Variants in ACOT7 observed in about 807,000 individuals in gnomAD.
The protein encoded by ACOT7 is acyl-CoA thioesterase 7.
ACOT7 carries 12 observed loss-of-function variants against 40.2 expected under a neutral mutation model. The observed-to-expected ratio is 0.30, with a 90% confidence interval of 0.19 to 0.48. ACOT7 has a LOEUF of 0.48. ACOT7 is among the 20% of genes least tolerant of loss of function. The pLI, the probability that ACOT7 is intolerant of heterozygous loss-of-function variation, is 0.99. For synonymous variants in ACOT7, 228 were observed against 219.5 expected, an observed-to-expected ratio of 1.04 and a Z score of -0.34; for missense variants, 395 against 530.8, an observed-to-expected ratio of 0.74 and a Z score of 2.51.
chr1:6,358,756 C>A lies in ACOT7; in HGVS notation c.144-8890G>T. On this transcript the variant is annotated intron_variant, in intron 1 of 8. Coordinates refer to ENST00000361521, the MANE Select transcript of ACOT7 (RefSeq NM_007274.4). This position sits in a 1 kb window ranked among gnomAD's most constrained non-coding sequence, Gnocchi z 4.1. ...AGTCCCCTCTACCCACCCTTCCCTT[C>A]CAAATGTCCCTAAACAATCCACCCA... 1 of 1,518,860 alleles carries A rather than the reference C, an allele frequency of 6.6e-7. No homozygotes were observed. The highest frequency in any genetic ancestry group is 1.1e-5 in the South Asian group (1 of 88,192). 94.1% of individuals were successfully genotyped at this position (1,518,860 alleles called of 1,614,324 possible).
chr1:6,392,533 T>C (rs60984218), intron 1 of ACOT7, among the ~76,000 whole-genome samples: 1,733 of 152,212 alleles, frequency 0.011, 40 homozygotes, highest in African/African-American at 0.039. Context: ...ATCTACTCAG[T>C]ACCTGGTGGA....
chr1:6,337,836 A>G (rs1427173281), intron 3 of ACOT7, among the ~76,000 whole-genome samples: 2 of 151,944 alleles, frequency 1.3e-5, no homozygotes. Flanking sequence ...TTAGCCAGGT[A>G]TGGTGGCTCA....
chr1:6,374,720 T>C (rs1440625626), intron 1 of ACOT7, among the ~76,000 whole-genome samples: 4 of 152,124 alleles, frequency 2.6e-5, no homozygotes, highest in Non-Finnish European at 5.9e-5. Flanking sequence ...GAGGGTAAAC[T>C]GCCAAGCTGA....
At chr1:6,302,722 C>T (rs540072810) in intron 6 of ACOT7, among the ~76,000 whole-genome samples, 2 of 152,168 alleles carry the variant, frequency 1.3e-5, no homozygotes, top group African/African-American at 4.8e-5. Flanking sequence ...CGAGACACAA[C>T]CCTGGGCATC....
At chr1:6,302,533 A>T (rs1350178828) in intron 6 of ACOT7, among the ~76,000 whole-genome samples, 2 of 152,054 alleles carry the variant, frequency 1.3e-5, no homozygotes, top group Non-Finnish European at 2.9e-5. Context: ...CACCCACCCC[A>T]GTCTGTGTTT....
chr1:6,339,741 T>TTG, intron 2 of ACOT7, 152 bp from the exon 3 acceptor site: 2 of 571,468 alleles, frequency 3.5e-6, no homozygotes, highest in Non-Finnish European at 5.1e-6. Context: ...GCACCGCGGT[T>TTG]TTTTTTTTTT....
chr1:6,322,150 G>A (rs991171888), intron 5 of ACOT7, among the ~76,000 whole-genome samples: 4 of 152,100 alleles, frequency 2.6e-5, no homozygotes, highest in Non-Finnish European at 4.4e-5. Context: ...CTTGGCACTT[G>A]GAGGGGTCTG....
At chr1:6,308,860 A>T (rs1263968545) in intron 6 of ACOT7, among the ~76,000 whole-genome samples, 1 of 140,768 alleles carries the variant, frequency 7.1e-6, no homozygotes, top group Non-Finnish European at 1.6e-5. Context: ...GAGGGCTCCC[A>T]GCACAGCCAG....
chr1:6,281,029 C>A, intron 8 of ACOT7, 73 bp downstream of exon 8: 1 of 1,545,310 alleles, frequency 6.5e-7, no homozygotes. Context: ...CAGATTCCCC[C>A]TGGAGGCCCA....
intron 4 of ACOT7, among the ~76,000 whole-genome samples, chr1:6,331,417 C>T (rs558184882): frequency 6.6e-6 from 1 of 152,324 alleles, no homozygotes; most frequent in Admixed American, 6.5e-5. Context: ...CCTGGAGCCA[C>T]CCGGCGCTGG....
intron 2 of ACOT7, among the ~76,000 whole-genome samples, chr1:6,339,996 C>T (rs903134179): frequency 5.3e-5 from 8 of 150,160 alleles, no homozygotes; most frequent in Non-Finnish European, 1.2e-4. Context: ...GATGGAGTCT[C>T]GCTCTGTCAC....
At chr1:6,329,227 G>A (rs539204203) in intron 4 of ACOT7, among the ~76,000 whole-genome samples, 14 of 152,198 alleles carry the variant, frequency 9.2e-5, no homozygotes, top group Non-Finnish European at 1.6e-4. Flanking sequence ...ACCGTTCCTC[G>A]GCGTAACTAC....
In ACOT7 at chr1:6,280,071, G is replaced by A. The variant is rs114588433; in HGVS notation, c.1014+1031C>T. On this transcript the variant is annotated intron_variant, in intron 8 of 8. Coordinates refer to ENST00000361521, the MANE Select transcript of ACOT7 (RefSeq NM_007274.4). ...CAGACGCCGCGGGGGCAGGGGCCTCGAGAACCTCTGGAATCAGGGGTCAGC... is the reference window on the plus strand; with the variant it reads ...CAGACGCCGCGGGGGCAGGGGCCTCAAGAACCTCTGGAATCAGGGGTCAGC... 8.1e-3 allele frequency among the ~76,000 whole-genome samples: 1,227 copies of A among 152,336 alleles called. 19 individuals carry two copies. The highest frequency in any genetic ancestry group is 0.027 in the African/African-American group (1,130 of 41,562).
intron 2 of ACOT7, among the ~76,000 whole-genome samples, chr1:6,340,250 G>A (rs760179296): frequency 1.3e-5 from 2 of 152,146 alleles, no homozygotes; most frequent in African/African-American, 2.4e-5. Context: ...ACAGGCATGA[G>A]CCACCGCGCC....
At position 6,355,641 on chromosome 1, in the gene ACOT7, T is replaced by C. The variant is rs1427160316; in HGVS notation, c.144-5775A>G. 3.9e-5 allele frequency among the ~76,000 whole-genome samples: 6 copies of C among 152,230 alleles called. No homozygotes were observed. Among genetic ancestry groups the C allele is most frequent in the Non-Finnish European group, 2.9e-5 (2 of 68,038 alleles). On this transcript the variant is annotated intron_variant, in intron 1 of 8. Transcript: ENST00000361521. The surrounding 1 kb of genome is among the most constrained non-coding windows in gnomAD (Gnocchi z 5.0). ...GGCAGGGACCTCGGTGAGATGCCTG[T>C]GTCTTTTGGATGCCTTTAAACCATC... is the stretch of plus-strand genomic sequence containing the variant.
At chr1:6,286,333 G>A (rs74729164) in intron 7 of ACOT7, among the ~76,000 whole-genome samples, 3,692 of 152,328 alleles carry the variant, frequency 0.024, 137 homozygotes, top group African/African-American at 0.085. Flanking sequence ...AAGGCGGCCA[G>A]AAGGGGAGCG....
intron 2 of ACOT7, among the ~76,000 whole-genome samples, chr1:6,340,838 C>T (rs1246440174): frequency 2.0e-5 from 3 of 152,026 alleles, no homozygotes; most frequent in Non-Finnish European, 2.9e-5. Context: ...GAGTTCGAGA[C>T]CAGCCTGGCC....
Position 6,299,572 on chromosome 1 carries a change from G to A in ACOT7, c.713-4592C>T, listed in dbSNP as rs916462226. Among the ~76,000 whole-genome samples, 1 of 151,502 alleles carries A rather than the reference G, an allele frequency of 6.6e-6. No individual in the cohort carries two copies. The highest frequency in any genetic ancestry group is 1.5e-5 in the Non-Finnish European group (1 of 67,870). ...AGAGGACAGTCGGCCTCCCCTTACC[G>A]GACGCCACACACAGAGGGCAGAGAG... On this transcript the variant is annotated intron_variant, in intron 6 of 8. Transcript: ENST00000361521. The surrounding 1 kb of genome is among the most constrained non-coding windows in gnomAD (Gnocchi z 4.1).
chr1:6,299,183 AGAG>A lies in ACOT7; in HGVS notation c.713-4206_713-4204del, dbSNP rs1428151823. On this transcript the variant is annotated intron_variant, in intron 6 of 8. Transcript: ENST00000361521. This position sits in a 1 kb window ranked among gnomAD's most constrained non-coding sequence, Gnocchi z 4.1. ...GCCGTGGGCTCAGTGTCTGTCAGGC[AGAG>A]GAGGTGACGGCGCCCACAGGCAAGG... 6.6e-6 allele frequency among the ~76,000 whole-genome samples: 1 copy of A among 152,196 alleles called. No individual in the cohort carries two copies. The highest frequency in any genetic ancestry group is 1.9e-4 in the East Asian group (1 of 5,178).
Sources: gnomAD v4.1 joint callset for allele counts (sites outside exome capture counted in the v4.1 genomes callset) on GRCh38, gnomAD v4.1.1 for gene constraint, Gnocchi (gnomAD v3.1) non-coding constraint, MANE v1.5 for transcripts, NCBI Gene and HGNC (gene_info 2026-07-23, HGNC 2026-07-21) for gene names.